KIAA1328: variants seen among roughly 807,000 people sequenced by gnomAD.
KIAA1328 encodes protein hinderin.
Under a neutral mutation model 68.1 loss-of-function variants are expected in KIAA1328, and 52 were observed. The ratio of observed to expected loss-of-function variants is 0.76; its 90% CI spans 0.61 to 0.96. The LOEUF is 0.96. Ranked by LOEUF, KIAA1328 falls within the 40% of genes least tolerant of loss-of-function variation. The pLI, the probability that KIAA1328 is intolerant of heterozygous loss-of-function variation, is 0.00. For missense variants in KIAA1328, 641 were observed against 677.6 expected, an observed-to-expected ratio of 0.95 and a Z score of 0.60; for synonymous variants, 232 against 239.4, an observed-to-expected ratio of 0.97 and a Z score of 0.28.
downstream of KIAA1328, among the ~76,000 whole-genome samples, chr18:37,229,210 C>T (rs1035841133): frequency 1.5e-4 from 23 of 152,192 alleles, no homozygotes; most frequent in African/African-American, 3.6e-4. Context: ...GAGTGGAGGC[C>T]GGTGGGTGCC....
At position 37,222,851 on chromosome 18, in the gene KIAA1328, G is replaced by A; in HGVS notation, c.*624G>A. 1.0e-6 allele frequency: 1 copy of A among 988,772 alleles called. No homozygotes were observed. The highest frequency in any genetic ancestry group is 1.2e-6 in the Non-Finnish European group (1 of 832,336). The allele number at this position is 988,772 out of a possible 1,614,324, so 61.2% of individuals were successfully genotyped here. A position where few individuals can be genotyped will look rare whatever the true frequency, so the allele number is the denominator to read the frequency against. On this transcript the variant is annotated 3_prime_UTR_variant, in exon 10 of 10. Transcript: ENST00000280020. ...TAACCAAAGAGCTCAATGGGCTGGA[G>A]GGTGAGACCCAGCCAATCCTTGGGA...
At chr18:37,025,100 G>A (rs1051189046) in intron 6 of KIAA1328, among the ~76,000 whole-genome samples, 13 of 152,070 alleles carry the variant, frequency 8.5e-5, no homozygotes, top group Non-Finnish European at 1.6e-4. Context: ...TCTCATTGTG[G>A]TTTTGATTGA....
chr18:37,000,424 C>T (rs181960450), intron 6 of KIAA1328, among the ~76,000 whole-genome samples: 9 of 152,176 alleles, frequency 5.9e-5, no homozygotes, highest in Middle Eastern at 6.8e-3. Context: ...GACTTCAACA[C>T]CCCACTCTCA....
chr18:37,096,788 T>A (rs1052823346), intron 7 of KIAA1328, among the ~76,000 whole-genome samples: 1 of 152,226 alleles, frequency 6.6e-6, no homozygotes, highest in African/African-American at 2.4e-5. Context: ...AGGTGGTATC[T>A]CATTGTGGTT....
intron 4 of KIAA1328, among the ~76,000 whole-genome samples, chr18:36,872,421 G>A (rs2047979693): frequency 6.6e-6 from 1 of 152,136 alleles, no homozygotes; most frequent in Non-Finnish European, 1.5e-5. Flanking sequence ...GACCCTCTAA[G>A]AGGAAACTCA....
At position 36,996,545 on chromosome 18, in the gene KIAA1328, G is replaced by C. The variant is rs540964161; in HGVS notation, c.576+37110G>C. On this transcript the variant is annotated intron_variant, in intron 6 of 9. Coordinates refer to ENST00000280020, the MANE Select transcript of KIAA1328 (RefSeq NM_020776.3). Reference sequence around the variant, plus strand: ...GAGTTTTTTTTCTTTTTTCCTTAAAGCTCTGAGAAGATAATGTGAAAAATA... The same window carrying C: ...GAGTTTTTTTTCTTTTTTCCTTAAACCTCTGAGAAGATAATGTGAAAAATA... 3.3e-5 allele frequency among the ~76,000 whole-genome samples: 5 copies of C among 152,010 alleles called. No homozygotes were observed. The South Asian group carries it at 6.2e-4, about 19-fold the overall frequency.
intron 6 of KIAA1328, among the ~76,000 whole-genome samples, chr18:36,973,652 A>T (rs1012378426): frequency 3.9e-5 from 6 of 152,250 alleles, no homozygotes; most frequent in Admixed American, 2.0e-4. Flanking sequence ...TTGAATAATA[A>T]TAAATAATTA....
chr18:36,953,995 C>CTTTTTTCTTTT (rs2051286968), intron 5 of KIAA1328, among the ~76,000 whole-genome samples: 1 of 113,548 alleles, frequency 8.8e-6, no homozygotes, highest in Admixed American at 1.2e-4. Flanking sequence ...CTGATTGTTT[C>CTTTTTTCTTTT]TTTTTTTTTT....
intron 8 of KIAA1328, among the ~76,000 whole-genome samples, chr18:37,164,592 A>C (rs2059348264): frequency 6.6e-6 from 1 of 152,066 alleles, no homozygotes; most frequent in South Asian, 2.1e-4. Flanking sequence ...TAAAAATAGA[A>C]AGAGTTAGCT....
At chr18:36,950,979 A>G (rs913647226) in intron 5 of KIAA1328, among the ~76,000 whole-genome samples, 1 of 152,230 alleles carries the variant, frequency 6.6e-6, no homozygotes, top group African/African-American at 2.4e-5. Flanking sequence ...AAGGGTCACC[A>G]ATGGCTTCTC....
chr18:37,159,838 AT>A (rs1191110338), intron 7 of KIAA1328, among the ~76,000 whole-genome samples: 4 of 152,186 alleles, frequency 2.6e-5, no homozygotes, highest in African/African-American at 9.6e-5. Context: ...CCTAGTGTTC[AT>A]TTTTAGTACT....
intron 5 of KIAA1328, among the ~76,000 whole-genome samples, chr18:36,887,736 G>T (rs778164130): frequency 6.6e-6 from 1 of 152,184 alleles, no homozygotes; most frequent in Non-Finnish European, 1.5e-5. Flanking sequence ...TGGAGAAGAA[G>T]ACTGGAAATG....
intron 4 of KIAA1328, among the ~76,000 whole-genome samples, chr18:36,869,274 G>C (rs2047862251): frequency 6.6e-6 from 1 of 152,132 alleles, no homozygotes. Context: ...TGTATCAAAA[G>C]AATATCTTTT....
chr18:36,847,195 G>A (rs111338987), intron 4 of KIAA1328, among the ~76,000 whole-genome samples: 43 of 151,428 alleles, frequency 2.8e-4, no homozygotes, highest in African/African-American at 9.9e-4. Flanking sequence ...GGTTCTTCAG[G>A]TTTTTGCCTT....
chr18:37,164,595 A>C (rs962378284), intron 8 of KIAA1328, among the ~76,000 whole-genome samples: 15 of 152,146 alleles, frequency 9.9e-5, no homozygotes, highest in African/African-American at 2.9e-4. Context: ...AAATAGAAAG[A>C]GTTAGCTGGG....
intron 5 of KIAA1328, among the ~76,000 whole-genome samples, chr18:36,937,877 T>A (rs559561474): frequency 6.4e-4 from 98 of 152,340 alleles, no homozygotes; most frequent in African/African-American, 2.3e-3. Context: ...CTTTCCATTC[T>A]TGGCTTATTT....
At chr18:36,844,724 T>C (rs969848467) in intron 4 of KIAA1328, among the ~76,000 whole-genome samples, 9 of 151,902 alleles carry the variant, frequency 5.9e-5, no homozygotes, top group African/African-American at 2.2e-4. Flanking sequence ...TGCTTTTCAA[T>C]TGATGGATTT....
chr18:36,842,443 A>G (rs2046889914), intron 3 of KIAA1328, among the ~76,000 whole-genome samples: 1 of 152,188 alleles, frequency 6.6e-6, no homozygotes, highest in Non-Finnish European at 1.5e-5. Context: ...GGCAGAGTTC[A>G]ACAGAGTGCC....
At chr18:36,939,708 A>T (rs1392436840) in intron 5 of KIAA1328, among the ~76,000 whole-genome samples, 2 of 152,132 alleles carry the variant, frequency 1.3e-5, no homozygotes, top group African/African-American at 2.4e-5. Flanking sequence ...ACCATTGAGT[A>T]TAATGTCAGC....
Sources: gnomAD v4.1 joint callset for allele counts (sites outside exome capture counted in the v4.1 genomes callset) on GRCh38, gnomAD v4.1.1 for gene constraint, MANE v1.5 for transcripts, NCBI Gene and HGNC (gene_info 2026-07-23, HGNC 2026-07-21) for gene names.